Variants in FILIP1 observed in about 807,000 individuals in gnomAD.
The protein encoded by FILIP1 is filamin-A-interacting protein 1.
Under a neutral mutation model 102.1 loss-of-function variants are expected in FILIP1, and 61 were observed. That is an observed-to-expected ratio of 0.60 (90% CI 0.49 to 0.74). The LOEUF (loss-of-function observed/expected upper bound fraction) is 0.74, where lower values mean the gene tolerates loss of function less well. FILIP1 is among the 30% of genes least tolerant of loss of function. FILIP1 has a pLI of 0.00. For synonymous variants in FILIP1, 491 were observed against 526.9 expected, an observed-to-expected ratio of 0.93 and a Z score of 0.93; for missense variants, 1,314 against 1,441.2, an observed-to-expected ratio of 0.91 and a Z score of 1.43.
intron 1 of FILIP1, among the ~76,000 whole-genome samples, chr6:75,482,483 T>G (rs1346137464): frequency 1.3e-5 from 2 of 152,210 alleles, no homozygotes; most frequent in African/African-American, 4.8e-5. Context: ...GTTGTGGTTT[T>G]GGGTTAGTAG....
At position 75,432,190 on chromosome 6, in the gene FILIP1, GGTGATTTTAGA is replaced by G. The variant is rs367966767; in HGVS notation, c.-6-17223_-6-17213del. ...CTACATATGAATGTATCATTGAAAA[GGTGATTTTAGA>G]GTAAATCTTTGTCACTTTAAAATTT... On this transcript the variant is annotated intron_variant, in intron 1 of 5. Transcript: ENST00000237172. Among the ~76,000 whole-genome samples, 421 of 152,244 alleles carry G rather than the reference GGTGATTTTAGA, an allele frequency of 2.8e-3. 2 individuals carry two copies. Among genetic ancestry groups the G allele is most frequent in the African/African-American group, 9.5e-3 (394 of 41,542 alleles).
At chr6:75,476,300 T>C (rs1361535184) in intron 1 of FILIP1, among the ~76,000 whole-genome samples, 2 of 151,518 alleles carry the variant, frequency 1.3e-5, no homozygotes, top group African/African-American at 2.4e-5. Flanking sequence ...AGCTTAGAGA[T>C]TGGGTCTTAT....
In FILIP1 at chr6:75,377,298, T is replaced by C. The variant is rs572016999; in HGVS notation, c.277-14381A>G. ...TTTGTGATTTGTTAACTGCTTTTCA[T>C]GGGCAATATTTGGCCTTACAAGGCC... On this transcript the variant is annotated intron_variant, in intron 2 of 5. Coordinates refer to ENST00000237172, the MANE Select transcript of FILIP1 (RefSeq NM_015687.5). 2.0e-5 allele frequency among the ~76,000 whole-genome samples: 3 copies of C among 152,356 alleles called. No homozygotes were observed. In the East Asian group the frequency reaches 5.8e-4, roughly 29 times the overall value.
intron 1 of FILIP1, among the ~76,000 whole-genome samples, chr6:75,449,496 G>C (rs998514181): frequency 5.3e-5 from 8 of 152,060 alleles, no homozygotes; most frequent in Non-Finnish European, 8.8e-5. Flanking sequence ...AGAAAAAAAA[G>C]ATAAATGCCT....
intron 2 of FILIP1, among the ~76,000 whole-genome samples, chr6:75,368,034 A>C (rs1033201061): frequency 1.3e-5 from 2 of 152,254 alleles, no homozygotes; most frequent in African/African-American, 4.8e-5. Flanking sequence ...CTCTATGTTC[A>C]ACTTATTTAC....
chr6:75,484,094 C>T (rs1779718956), intron 1 of FILIP1, among the ~76,000 whole-genome samples: 1 of 151,996 alleles, frequency 6.6e-6, no homozygotes. Flanking sequence ...CTTCTTTTTC[C>T]ACCTATGTGA....
At chr6:75,410,338 T>C (rs1336924111) in intron 2 of FILIP1, among the ~76,000 whole-genome samples, 1 of 152,190 alleles carries the variant, frequency 6.6e-6, no homozygotes, top group Non-Finnish European at 1.5e-5. Flanking sequence ...AGAAAGATTT[T>C]TTTTTTCTTA....
chr6:75,434,183 G>T (rs1047491668), intron 1 of FILIP1, among the ~76,000 whole-genome samples: 1 of 152,062 alleles, frequency 6.6e-6, no homozygotes. Flanking sequence ...CTCTTTTTTG[G>T]TTCCATATGA....
intron 1 of FILIP1, chr6:75,458,221 G>C (rs1265478580): frequency 6.6e-6 from 1 of 152,136 alleles, no homozygotes; most frequent in African/African-American, 2.4e-5. Flanking sequence ...AACTAGGAAG[G>C]ACGCTACTGC....
At chr6:75,371,854 A>C (rs561639763) in intron 2 of FILIP1, among the ~76,000 whole-genome samples, 4 of 152,158 alleles carry the variant, frequency 2.6e-5, no homozygotes, top group Non-Finnish European at 5.9e-5. Context: ...AAACTATAAA[A>C]CTCTTAGAAA....
At chr6:75,492,771 C>T (rs1780002064) in intron 1 of FILIP1, among the ~76,000 whole-genome samples, 1 of 152,124 alleles carries the variant, frequency 6.6e-6, no homozygotes, top group Admixed American at 6.5e-5. Flanking sequence ...TAAAAGTACA[C>T]AAATATCATT....
intron 2 of FILIP1, among the ~76,000 whole-genome samples, chr6:75,372,699 AAGAAAGAAAGAAAGGAAAGAAAGAGAAAG>A (rs1775591772): frequency 6.9e-5 from 4 of 57,858 alleles, no homozygotes; most frequent in African/African-American, 3.5e-4. Context: ...AAGAAAGAGA[AAGAAAGAAAGAAAGGAAAGAAAGAGAAAG>A]AGAAAGAAAG....
intron 1 of FILIP1, chr6:75,428,402 T>G (rs1777704988): frequency 6.7e-6 from 1 of 148,266 alleles, no homozygotes. Flanking sequence ...CCTGGAGAGC[T>G]TGTTAATAGA....
At chr6:75,460,700 A>C (rs995327608) in intron 1 of FILIP1, among the ~76,000 whole-genome samples, 1 of 152,210 alleles carries the variant, frequency 6.6e-6, no homozygotes, top group African/African-American at 2.4e-5. Flanking sequence ...TGAGATTCCA[A>C]TGTGAGCCTT....
chr6:75,345,045 A>C (rs1347731216), intron 4 of FILIP1, among the ~76,000 whole-genome samples: 1 of 152,208 alleles, frequency 6.6e-6, no homozygotes, highest in Non-Finnish European at 1.5e-5. Context: ...TCTCATATTT[A>C]AATGTCAAAT....
chr6:75,360,831 C>T (rs1261644027), intron 3 of FILIP1: 1 of 152,138 alleles, frequency 6.6e-6, no homozygotes, highest in Non-Finnish European at 1.5e-5. Context: ...AGCTAGACTA[C>T]CTGCTCGTGA....
At chr6:75,353,748 T>C in intron 3 of FILIP1, 31 bp from the exon 4 acceptor site, 1 of 1,604,308 alleles carries the variant, frequency 6.2e-7, no homozygotes, top group Non-Finnish European at 8.5e-7. Flanking sequence ...AAGGGCTTAA[T>C]ATTTTATTGC....
rs1773083236 is a variant in FILIP1 at position 75,308,906 on chromosome 6, G to A, written c.3436-9C>T. 2.5e-6 allele frequency: 4 copies of A among 1,613,642 alleles called. No homozygotes were observed. Among genetic ancestry groups the A allele is most frequent in the Middle Eastern group, 1.7e-4 (1 of 6,054 alleles). On this transcript the variant is annotated splice_polypyrimidine_tract_variant and intron_variant, in intron 5 of 5. Coordinates refer to ENST00000237172, the MANE Select transcript of FILIP1 (RefSeq NM_015687.5). ...GACCCGTCTTGTCCTGACTGTAAGA[G>A]AGAAAATACGTAGATACAAGGGAGA...
At chr6:75,384,207 G>C (rs907315081) in intron 2 of FILIP1, among the ~76,000 whole-genome samples, 4 of 152,160 alleles carry the variant, frequency 2.6e-5, no homozygotes, top group African/African-American at 9.6e-5. Flanking sequence ...CCAAGGAAAA[G>C]ATCAAATAAT....
Sources: allele counts gnomAD v4.1 joint callset (sites outside exome capture counted in the v4.1 genomes callset), GRCh38; gene constraint gnomAD v4.1.1; transcripts MANE v1.5; gene names NCBI Gene and HGNC (gene_info 2026-07-23, HGNC 2026-07-21).